Variants in PELI2 observed in about 807,000 individuals in gnomAD.
PELI2 encodes E3 ubiquitin-protein ligase pellino homolog 2.
Under a neutral mutation model 42.3 loss-of-function variants are expected in PELI2, and 23 were observed. The ratio of observed to expected loss-of-function variants is 0.54; its 90% CI spans 0.39 to 0.77. The LOEUF is 0.77. Among genes scored for constraint, PELI2 ranks in the 30% least tolerant of loss-of-function variants. The pLI, the probability that PELI2 is intolerant of heterozygous loss-of-function variation, is 0.00. For missense variants in PELI2, 463 were observed against 553.2 expected (o/e 0.84, Z 1.64); for synonymous variants, 245 against 212.2 (o/e 1.15, Z -1.34).
chr14:56,232,197 C>T (rs926182913), intron 2 of PELI2, among the ~76,000 whole-genome samples: 6 of 152,096 alleles, frequency 3.9e-5, no homozygotes, highest in African/African-American at 1.4e-4. Context: ...GGAGCTGGTA[C>T]CATTCCTTCT....
At chr14:56,246,571 G>A (rs1888169498) in intron 2 of PELI2, among the ~76,000 whole-genome samples, 1 of 152,178 alleles carries the variant, frequency 6.6e-6, no homozygotes, top group Non-Finnish European at 1.5e-5. Flanking sequence ...TGATTAGAGT[G>A]ATTTTTTTGT....
At chr14:56,140,885 G>A (rs1883881371) in intron 1 of PELI2, among the ~76,000 whole-genome samples, 1 of 152,150 alleles carries the variant, frequency 6.6e-6, no homozygotes, top group Non-Finnish European at 1.5e-5. Context: ...CAAGAGAATG[G>A]GAAAGATGCA....
At chr14:56,260,848 ATG>A (rs1411660289) in intron 2 of PELI2, among the ~76,000 whole-genome samples, 1 of 152,200 alleles carries the variant, frequency 6.6e-6, no homozygotes, top group Admixed American at 6.5e-5. Context: ...ATGAATGGAT[ATG>A]GACACATCTA....
At chr14:56,147,017 CT>C (rs1161592261) in intron 1 of PELI2, among the ~76,000 whole-genome samples, 1 of 152,134 alleles carries the variant, frequency 6.6e-6, no homozygotes, top group East Asian at 1.9e-4. Flanking sequence ...ATAATTTTGC[CT>C]TTTCTAGAAA....
At chr14:56,238,746 G>T (rs1359783738) in intron 2 of PELI2, among the ~76,000 whole-genome samples, 2 of 152,192 alleles carry the variant, frequency 1.3e-5, no homozygotes, top group African/African-American at 4.8e-5. Flanking sequence ...CACGAAGCTT[G>T]TATCTAAAAG....
At chr14:56,258,924 A>G (rs1471298574) in intron 2 of PELI2, among the ~76,000 whole-genome samples, 2 of 152,096 alleles carry the variant, frequency 1.3e-5, no homozygotes, top group East Asian at 1.9e-4. Flanking sequence ...TAAATTGCCA[A>G]AAAGCAATAA....
intron 2 of PELI2, among the ~76,000 whole-genome samples, chr14:56,266,008 G>T (rs1888890004): frequency 6.6e-6 from 1 of 151,940 alleles, no homozygotes; most frequent in Admixed American, 6.6e-5. Flanking sequence ...ACAAATTGTG[G>T]TATATCATTA....
At chr14:56,202,466 C>T (rs1305155756) in intron 2 of PELI2, among the ~76,000 whole-genome samples, 1 of 150,562 alleles carries the variant, frequency 6.6e-6, no homozygotes, top group Non-Finnish European at 1.5e-5. Context: ...TCAGTGGAGA[C>T]AGCTTTCCTG....
chr14:56,254,373 G>A (rs1414411290), intron 2 of PELI2, among the ~76,000 whole-genome samples: 1 of 145,916 alleles, frequency 6.9e-6, no homozygotes, highest in Non-Finnish European at 1.5e-5. Flanking sequence ...ACTCCAGCCT[G>A]GTGACAGAGC....
chr14:56,139,970 G>A (rs1048122677), intron 1 of PELI2, among the ~76,000 whole-genome samples: 1 of 112,960 alleles, frequency 8.9e-6, no homozygotes, highest in African/African-American at 3.4e-5. Flanking sequence ...GGCTTTTCTG[G>A]CTTTCATCAG....
chr14:56,158,879 A>T (rs71414105), intron 1 of PELI2, among the ~76,000 whole-genome samples: 1 of 152,218 alleles, frequency 6.6e-6, no homozygotes, highest in Non-Finnish European at 1.5e-5. Context: ...TAAAAGACAT[A>T]CAATTTAATA....
rs1013067954 is a variant in PELI2, at chr14:56,300,132, T to C, written c.*2966T>C. Reference sequence around the variant, plus strand: ...AAGAATTAAAATCTGTTAATATAAATAGAGAACATATTTATCATTCCTCGA... The same window carrying C: ...AAGAATTAAAATCTGTTAATATAAACAGAGAACATATTTATCATTCCTCGA... On this transcript the variant is annotated 3_prime_UTR_variant, in exon 6 of 6. Coordinates refer to ENST00000267460, the MANE Select transcript of PELI2 (RefSeq NM_021255.3). 1 of 152,652 alleles carries C rather than the reference T, an allele frequency of 6.6e-6. No individual in the cohort carries two copies. The highest frequency in any genetic ancestry group is 6.5e-5 in the Admixed American group (1 of 15,288). 9.5% of individuals were successfully genotyped at this position (152,652 alleles called of 1,614,324 possible).
chr14:56,234,053 A>G (rs1245068120), intron 2 of PELI2, among the ~76,000 whole-genome samples: 1 of 152,240 alleles, frequency 6.6e-6, no homozygotes, highest in Non-Finnish European at 1.5e-5. Context: ...ACAATGAGAT[A>G]CCATCTCACA....
chr14:56,185,390 C>T (rs779853204), intron 2 of PELI2, among the ~76,000 whole-genome samples: 4 of 152,144 alleles, frequency 2.6e-5, no homozygotes, highest in Non-Finnish European at 4.4e-5. Flanking sequence ...ACTCACAAAG[C>T]AAACATTAGG....
chr14:56,261,943 C>T (rs772836335), intron 2 of PELI2, among the ~76,000 whole-genome samples: 2 of 152,146 alleles, frequency 1.3e-5, no homozygotes, highest in Non-Finnish European at 2.9e-5. Flanking sequence ...CTTTCTGTCC[C>T]CCATAAATAA....
At chr14:56,127,807 A>G (rs1393850821) in intron 1 of PELI2, among the ~76,000 whole-genome samples, 1 of 152,210 alleles carries the variant, frequency 6.6e-6, no homozygotes, top group African/African-American at 2.4e-5. Flanking sequence ...TTCATTTCTA[A>G]TGAGAGGGAC....
intron 1 of PELI2, among the ~76,000 whole-genome samples, chr14:56,122,576 A>G (rs1043440101): frequency 2.0e-5 from 3 of 150,770 alleles, no homozygotes; most frequent in Admixed American, 1.3e-4. Context: ...TCACAGTTGA[A>G]TGGATAATGC....
intron 2 of PELI2, among the ~76,000 whole-genome samples, chr14:56,222,200 T>C (rs556224394): frequency 6.6e-6 from 1 of 152,346 alleles, no homozygotes; most frequent in African/African-American, 2.4e-5. Context: ...TCATTTAATC[T>C]TCATGGCAAG....
At chr14:56,179,746 T>C (rs1885516141) in intron 2 of PELI2, among the ~76,000 whole-genome samples, 1 of 152,138 alleles carries the variant, frequency 6.6e-6, no homozygotes, top group South Asian at 2.1e-4. Flanking sequence ...ACTCCAAAAA[T>C]ATGTGGTGAA....
Sources: gnomAD v4.1 joint callset for allele counts (sites outside exome capture counted in the v4.1 genomes callset) on GRCh38, gnomAD v4.1.1 for gene constraint, MANE v1.5 for transcripts, NCBI Gene and HGNC (gene_info 2026-07-23, HGNC 2026-07-21) for gene names.